The following TENM4 variants were observed in gnomAD, a reference collection of about 807,000 sequenced individuals.
The protein encoded by TENM4 is teneurin-4.
A neutral mutation model predicts 243.3 loss-of-function variants in TENM4; 82 were observed. The ratio of observed to expected loss-of-function variants is 0.34; its 90% confidence interval spans 0.28 to 0.40. The LOEUF is 0.40. Among genes scored for constraint, TENM4 ranks in the 10% least tolerant of loss-of-function variants. The pLI is 1.00. For synonymous variants in TENM4, 1,412 were observed against 1,456.3 expected (o/e 0.97, Z 0.69); for missense variants, 3,138 against 3,673.3 (o/e 0.85, Z 3.77).
intron 6 of TENM4, among the ~76,000 whole-genome samples, chr11:78,962,420 G>C (rs1404566739): frequency 1.3e-5 from 2 of 151,194 alleles, no homozygotes; most frequent in Non-Finnish European, 2.9e-5. Flanking sequence ...CACACGGGGA[G>C]GGGGAGGGAG....
chr11:79,266,142 T>C (rs1590837985), intron 2 of TENM4, among the ~76,000 whole-genome samples: 1 of 152,218 alleles, frequency 6.6e-6, no homozygotes, highest in African/African-American at 2.4e-5. Context: ...TAAGACTTAC[T>C]GAGTGCAGGG....
intron 4 of TENM4, among the ~76,000 whole-genome samples, chr11:79,129,665 G>A (rs186758997): frequency 1.2e-4 from 19 of 152,136 alleles, no homozygotes; most frequent in Admixed American, 3.9e-4. Flanking sequence ...GCCATAGTCC[G>A]CCCAGGTACA....
At chr11:78,797,543 A>G (rs565082824) in intron 15 of TENM4, among the ~76,000 whole-genome samples, 8 of 152,352 alleles carry the variant, frequency 5.3e-5, no homozygotes, top group Middle Eastern at 3.4e-3. Flanking sequence ...ATTCTACTAA[A>G]TTACAAATCT....
intron 1 of TENM4, among the ~76,000 whole-genome samples, chr11:79,299,668 T>C (rs1856519419): frequency 6.6e-6 from 1 of 152,080 alleles, no homozygotes; most frequent in Non-Finnish European, 1.5e-5. Flanking sequence ...ACCGAGGAAA[T>C]AGAAAAGGCT....
intron 1 of TENM4, among the ~76,000 whole-genome samples, chr11:79,390,049 G>A (rs149547379): frequency 3.3e-5 from 5 of 152,346 alleles, no homozygotes; most frequent in South Asian, 2.1e-4. Flanking sequence ...ACTGGGGACA[G>A]GGAGGCCAGG....
intron 4 of TENM4, among the ~76,000 whole-genome samples, chr11:79,094,522 T>C (rs943944049): frequency 6.6e-6 from 1 of 152,054 alleles, no homozygotes; most frequent in African/African-American, 2.4e-5. Flanking sequence ...CTCCCCTCAC[T>C]CCCTTGTGAA....
At chr11:78,774,936 G>A (rs932791227) in intron 17 of TENM4, among the ~76,000 whole-genome samples, 13 of 152,096 alleles carry the variant, frequency 8.5e-5, no homozygotes, top group African/African-American at 3.1e-4. Flanking sequence ...ACCATACTTT[G>A]TTCCAGGAAG....
chr11:79,146,010 A>G (rs1862389287), intron 4 of TENM4, among the ~76,000 whole-genome samples: 1 of 151,860 alleles, frequency 6.6e-6, no homozygotes, highest in Non-Finnish European at 1.5e-5. Flanking sequence ...TTTTTCTACC[A>G]TATATATTTG....
intron 26 of TENM4, among the ~76,000 whole-genome samples, chr11:78,709,363 T>C (rs188759359): frequency 1.6e-4 from 24 of 152,246 alleles, no homozygotes; most frequent in Admixed American, 1.6e-3. Context: ...TAGAGAATAT[T>C]GTTGAATTGA....
intron 15 of TENM4, among the ~76,000 whole-genome samples, chr11:78,799,699 G>C (rs1023334280): frequency 6.6e-6 from 1 of 152,182 alleles, no homozygotes; most frequent in Non-Finnish European, 1.5e-5. Context: ...CTCCAAACCT[G>C]TGCCACTGAA....
At chr11:78,747,501 G>A (rs1380875727) in intron 19 of TENM4, among the ~76,000 whole-genome samples, 1 of 152,198 alleles carries the variant, frequency 6.6e-6, no homozygotes, top group Non-Finnish European at 1.5e-5. Flanking sequence ...GGTCCTAGAG[G>A]CCTGCAGCGT....
At chr11:79,085,220 A>G (rs1290587128) in intron 4 of TENM4, among the ~76,000 whole-genome samples, 1 of 151,836 alleles carries the variant, frequency 6.6e-6, no homozygotes, top group Non-Finnish European at 1.5e-5. Flanking sequence ...AAAATACAAA[A>G]AAAAAAATTA....
intron 21 of TENM4, 22 bp downstream of exon 21, chr11:78,732,294 T>A: frequency 1.3e-6 from 2 of 1,575,000 alleles, no homozygotes; most frequent in Non-Finnish European, 1.7e-6. Context: ...CATGGTGGAA[T>A]GCAATTAGGA....
intron 6 of TENM4, among the ~76,000 whole-genome samples, chr11:78,997,587 T>C (rs1858207831): frequency 6.6e-6 from 1 of 152,084 alleles, no homozygotes; most frequent in Non-Finnish European, 1.5e-5. Context: ...CCTCTTAGCT[T>C]AATGGGGAAA....
At chr11:78,724,035 T>C (rs550124661) in intron 23 of TENM4, among the ~76,000 whole-genome samples, 1 of 150,954 alleles carries the variant, frequency 6.6e-6, no homozygotes, top group African/African-American at 2.4e-5. Context: ...TTCCCTCCCT[T>C]CCTTTCTCCT....
intron 22 of TENM4, among the ~76,000 whole-genome samples, chr11:78,727,187 G>A (rs946967653): frequency 6.6e-6 from 1 of 152,144 alleles, no homozygotes; most frequent in East Asian, 1.9e-4. Context: ...GGTGGCTCAC[G>A]CCTGTAATCC....
In TENM4 at chr11:79,376,598, C is replaced by T. The variant is rs377134834; in HGVS notation, c.-321+63911G>A. Among the ~76,000 whole-genome samples, 10 of 152,154 alleles carry T rather than the reference C, an allele frequency of 6.6e-5. No individual in the cohort carries two copies. In the South Asian group the frequency reaches 1.5e-3, roughly 22 times the overall value. ...TCTATGAGCTCCCGAGGGCTAGGTA[C>T]AGAATATCTGCTCAATAACTTTTCG... On this transcript the variant is annotated intron_variant, in intron 1 of 33. Transcript: ENST00000278550.
chr11:78,913,594 TGTGTGTG>T (rs1856244436), intron 6 of TENM4, among the ~76,000 whole-genome samples: 1 of 79,386 alleles, frequency 1.3e-5, no homozygotes, highest in African/African-American at 4.6e-5. Flanking sequence ...TGTGTGTGTG[TGTGTGTG>T]TGTGTGTGTG....
chr11:78,813,472 G>A (rs1857541380), intron 13 of TENM4, among the ~76,000 whole-genome samples: 1 of 152,156 alleles, frequency 6.6e-6, no homozygotes, highest in African/African-American at 2.4e-5. Flanking sequence ...CTGTCTCTGA[G>A]ACCAGACTCA....
Sources: allele counts gnomAD v4.1 joint callset (sites outside exome capture counted in the v4.1 genomes callset), GRCh38; gene constraint gnomAD v4.1.1; transcripts MANE v1.5; gene names NCBI Gene and HGNC (gene_info 2026-07-23, HGNC 2026-07-21).